The following ZKSCAN8 variants were observed in gnomAD, a reference collection of about 807,000 sequenced individuals.
The protein encoded by ZKSCAN8 is zinc finger with KRAB and SCAN domains 8.
Under a neutral mutation model 57.2 loss-of-function variants are expected in ZKSCAN8, and 27 were observed. The observed-to-expected ratio is 0.47, with a 90% confidence interval of 0.35 to 0.65. The LOEUF (loss-of-function observed/expected upper bound fraction) is 0.65. Among genes scored for constraint, ZKSCAN8 ranks in the 30% least tolerant of loss-of-function variants. The pLI, the probability that ZKSCAN8 is intolerant of heterozygous loss-of-function variation, is 0.01. For missense variants in ZKSCAN8, 597 were observed against 696.3 expected (o/e 0.86, Z 1.60); for synonymous variants, 214 against 248.7 (o/e 0.86, Z 1.31).
chr6:28,158,133 T>G lies in ZKSCAN8; in HGVS notation c.*4116T>G, dbSNP rs905269088. 10 of 152,160 alleles carry G rather than the reference T, an allele frequency of 6.6e-5. No individual in the cohort carries two copies. The highest frequency in any genetic ancestry group is 1.5e-4 in the Non-Finnish European group (10 of 68,030). The allele number at this position is 152,160 out of a possible 1,614,324, so 9.4% of individuals were successfully genotyped here. On this transcript the variant is annotated 3_prime_UTR_variant, in exon 6 of 6. Coordinates refer to ENST00000330236, the MANE Select transcript of ZKSCAN8 (RefSeq NM_006298.4). ...GGCCTTTTTTTATTATTATTTCTTG[T>G]CTTTTTTGATCTAATTTATATTTTA...
At chr6:28,142,471 CTTCT>C (rs1765250387) in intron 1 of ZKSCAN8, among the ~76,000 whole-genome samples, 3 of 151,032 alleles carry the variant, frequency 2.0e-5, no homozygotes, top group Admixed American at 2.0e-4. Flanking sequence ...TGCTGTTACT[CTTCT>C]TTCTTTAGTG....
intron 1 of ZKSCAN8, among the ~76,000 whole-genome samples, chr6:28,145,060 C>CA (rs1035977879): frequency 3.2e-4 from 45 of 142,210 alleles, no homozygotes; most frequent in East Asian, 1.2e-3. Context: ...CCATCTCAAA[C>CA]AAAAAAAAAA....
chr6:28,159,054 T>TA lies in ZKSCAN8; in HGVS notation c.*5038dup, dbSNP rs896384337. On this transcript the variant is annotated 3_prime_UTR_variant, in exon 6 of 6. Coordinates refer to ENST00000330236, the MANE Select transcript of ZKSCAN8 (RefSeq NM_006298.4). The stretch of plus-strand genomic sequence containing the variant: ...TTCCTACAGCCTTCTACTGATGTCT[T>TA]ACAAGCTCTTGCCTCTGTGCCTTTC... 6.6e-6 allele frequency: 1 copy of TA among 152,264 alleles called. No individual in the cohort carries two copies. Among genetic ancestry groups the TA allele is most frequent in the African/African-American group, 2.4e-5 (1 of 41,458 alleles). 9.4% of individuals were successfully genotyped at this position (152,264 alleles called of 1,614,324 possible). A position where few individuals can be genotyped will look rare whatever the true frequency, so the allele number is the denominator to read the frequency against.
rs185242584 is a variant in ZKSCAN8 at position 28,158,984 on chromosome 6, T to C, written c.*4967T>C. 3 of 152,334 alleles carry C rather than the reference T, an allele frequency of 2.0e-5. No individual in the cohort carries two copies. The highest frequency in any genetic ancestry group is 7.2e-5 in the African/African-American group (3 of 41,564). The allele number at this position is 152,334 out of a possible 1,614,324, so 9.4% of individuals were successfully genotyped here. A position where few individuals can be genotyped will look rare whatever the true frequency, so the allele number is the denominator to read the frequency against. On this transcript the variant is annotated 3_prime_UTR_variant, in exon 6 of 6. Coordinates refer to ENST00000330236, the MANE Select transcript of ZKSCAN8 (RefSeq NM_006298.4). The stretch of plus-strand genomic sequence containing the variant: ...CCTCTATGCCTAATATTCATCAGCC[T>C]TCATTACTCTCTAGCATATTCACCT...
At chr6:28,146,053 A>C (rs1054926100) in intron 1 of ZKSCAN8, among the ~76,000 whole-genome samples, 1 of 152,238 alleles carries the variant, frequency 6.6e-6, no homozygotes, top group Non-Finnish European at 1.5e-5. Context: ...GATGATGTCT[A>C]TACCAAGGAT....
intron 4 of ZKSCAN8, 82 bp downstream of exon 4, chr6:28,152,018 A>G (rs139334097): frequency 2.7e-5 from 40 of 1,499,950 alleles, no homozygotes; most frequent in Non-Finnish European, 3.5e-5. Flanking sequence ...TTGACTGTCT[A>G]GTTTGTAGCA....
chr6:28,141,657 G>A (rs1765217599), upstream of ZKSCAN8, among the ~76,000 whole-genome samples: 1 of 152,238 alleles, frequency 6.6e-6, no homozygotes, highest in Non-Finnish European at 1.5e-5. Context: ...GGGCACACAA[G>A]GCGGAGGGGA....
chr6:28,142,670 A>G (rs1765258323), intron 1 of ZKSCAN8, among the ~76,000 whole-genome samples: 1 of 152,196 alleles, frequency 6.6e-6, no homozygotes, highest in Non-Finnish European at 1.5e-5. Flanking sequence ...AGTCATGAGT[A>G]ATTTTTGTCA....
intron 3 of ZKSCAN8, among the ~76,000 whole-genome samples, chr6:28,151,006 G>T (rs1392940216): frequency 1.3e-5 from 2 of 151,940 alleles, no homozygotes; most frequent in Non-Finnish European, 2.9e-5. Flanking sequence ...AGGTTTCACT[G>T]TGTTGGCCAG....
rs1241354929 is a variant in ZKSCAN8 at position 28,154,052 on chromosome 6, C to T, written c.*35C>T. The T allele has an allele frequency of 1.7e-5, 26 of 1,538,322 alleles. No homozygotes were observed. The East Asian group carries it at 5.9e-4, about 35-fold the overall frequency. On this transcript the variant is annotated 3_prime_UTR_variant, in exon 6 of 6. Coordinates refer to ENST00000330236, the MANE Select transcript of ZKSCAN8 (RefSeq NM_006298.4). ...CAGTTAGAGTTTGAGCATTATTCAG[C>T]ATTAGGGAAACCACACACTGGTGAG... is the stretch of plus-strand genomic sequence containing the variant.
intron 4 of ZKSCAN8, 130 bp from the exon 5 acceptor site, chr6:28,152,131 A>G: frequency 7.0e-7 from 1 of 1,435,010 alleles, no homozygotes. Context: ...CTTCCTAGCT[A>G]TTCAGATCCC....
In ZKSCAN8 at chr6:28,153,538, G is replaced by A. The variant is rs781320407; in HGVS notation, c.1258G>A (p.Gly420Ser). 3 of 1,613,790 alleles carry A rather than the reference G, an allele frequency of 1.9e-6. No individual in the cohort carries two copies. The highest frequency in any genetic ancestry group is 1.7e-6 in the Non-Finnish European group (2 of 1,179,936). The stretch of plus-strand genomic sequence containing the variant: ...TGGGAAGGCTTTCAGTCAGAGTGCG[G>A]GCCTTATTCTGCACCAGAGAATCCA... ...QCGKAFSQSA[G>S]LILHQRIHSG... Residue 420 changes from glycine (G) to serine (S), a missense_variant, in exon 6 of 6, where the codon GGC becomes AGC. Coordinates refer to ENST00000330236, the MANE Select transcript of ZKSCAN8 (RefSeq NM_006298.4).
At chr6:28,142,144 C>T (rs1765237034) in intron 1 of ZKSCAN8, 115 bp downstream of exon 1, 1 of 152,260 alleles carries the variant, frequency 6.6e-6, no homozygotes, top group Non-Finnish European at 1.5e-5. Context: ...TGTTCGGCGC[C>T]GCGGACCGAT....
In ZKSCAN8 at chr6:28,153,968, G is replaced by A. The variant is rs1765695472; in HGVS notation, c.1688G>A (p.Arg563Gln). The A allele has an allele frequency of 3.1e-6, 5 of 1,610,876 alleles. No homozygotes were observed. Among genetic ancestry groups the A allele is most frequent in the South Asian group, 1.1e-5 (1 of 90,524 alleles). The change falls in exon 6 of 6, where the codon CGA (arginine) becomes CAA (glutamine). Residue 563 changes from arginine (R) to glutamine (Q), a missense_variant. Transcript: ENST00000330236. Reference sequence around the variant, plus strand: ...TTTATTCAGAGGTCAAGTCTCATTCGACATCAGAGAATCCACAGTGGTGAA... The same window carrying A: ...TTTATTCAGAGGTCAAGTCTCATTCAACATCAGAGAATCCACAGTGGTGAA... ...KAFIQRSSLI[R>Q]HQRIHSGEKS... is the part of the protein sequence containing the mutation.
rs1765820865 is a variant in ZKSCAN8 at position 28,157,447 on chromosome 6, C to G, written c.*3430C>G. 1 of 152,152 alleles carries G rather than the reference C, an allele frequency of 6.6e-6. No individual in the cohort carries two copies. Among genetic ancestry groups the G allele is most frequent in the Admixed American group, 6.6e-5 (1 of 15,260 alleles). 9.4% of individuals were successfully genotyped at this position (152,152 alleles called of 1,614,324 possible). A position where few individuals can be genotyped will look rare whatever the true frequency, so the allele number is the denominator to read the frequency against. On this transcript the variant is annotated 3_prime_UTR_variant, in exon 6 of 6. Transcript: ENST00000330236. The stretch of plus-strand genomic sequence containing the variant: ...ACGGAGGCTTAGTTGAGTGAGCTGA[C>G]CAATATCACCCAGCCAGTATGTGAT...
At chr6:28,143,368 A>G (rs1272172730) in intron 1 of ZKSCAN8, among the ~76,000 whole-genome samples, 2 of 152,228 alleles carry the variant, frequency 1.3e-5, no homozygotes, top group South Asian at 2.1e-4. Flanking sequence ...CTGATTTGGT[A>G]TAAAAAATGA....
chr6:28,143,961 A>C (rs1487270513), intron 1 of ZKSCAN8, among the ~76,000 whole-genome samples: 1 of 152,152 alleles, frequency 6.6e-6, no homozygotes. Context: ...CATCTTCCTC[A>C]AATTCACTCT....
At position 28,159,209 on chromosome 6, in the gene ZKSCAN8, C is replaced by G. The variant is rs1765880376; in HGVS notation, c.*5192C>G. On this transcript the variant is annotated 3_prime_UTR_variant, in exon 6 of 6. Coordinates refer to ENST00000330236, the MANE Select transcript of ZKSCAN8 (RefSeq NM_006298.4). ...TTGACATCACCTCATGCGATGACCT[C>G]CCTCATTCTGTGCTGCCTCAGCACT... is the stretch of plus-strand genomic sequence containing the variant. 1 of 152,242 alleles carries G rather than the reference C, an allele frequency of 6.6e-6. No individual in the cohort carries two copies. 9.4% of individuals were successfully genotyped at this position (152,242 alleles called of 1,614,324 possible).
In ZKSCAN8 at chr6:28,153,089, C is replaced by T. The variant is rs1435796655; in HGVS notation, c.809C>T (p.Ala270Val). 29 of 1,613,990 alleles carry T rather than the reference C, an allele frequency of 1.8e-5. No individual in the cohort carries two copies. Among genetic ancestry groups the T allele is most frequent in the Non-Finnish European group, 2.5e-5 (29 of 1,180,034 alleles). Residue 270 changes from alanine to valine, a missense_variant, in exon 6 of 6, where the codon GCT becomes GTT. Transcript: ENST00000330236. ...ACCAGGAGTGAGAACAGGGAATTAG[C>T]TTCAAAACAGGTAATATCTACTGGA... ...GETRSENRELASKQVISTGIQ... is the reference protein window; with the variant it reads ...GETRSENRELVSKQVISTGIQ...
Sources: gnomAD v4.1 joint callset for allele counts (sites outside exome capture counted in the v4.1 genomes callset) on GRCh38, gnomAD v4.1.1 for gene constraint, MANE v1.5 for transcripts, NCBI Gene and HGNC (gene_info 2026-07-23, HGNC 2026-07-21) for gene names.